Variants in NCAM2 observed in about 807,000 individuals in gnomAD.
The protein encoded by NCAM2 is N-CAM-2.
In NCAM2, 30 loss-of-function variants were observed where a neutral mutation model predicts 98.1. The ratio of observed to expected loss-of-function variants is 0.31; its 90% confidence interval spans 0.23 to 0.41. The LOEUF is 0.41. NCAM2 is among the 10% of genes least tolerant of loss of function. The pLI is 1.00. For missense variants in NCAM2, 867 were observed against 1,005.8 expected (o/e 0.86, Z 1.87); for synonymous variants, 368 against 342.4 (o/e 1.07, Z -0.83).
At chr21:21,452,971 TTATTATATATTA>T (rs1981488093) in intron 12 of NCAM2, among the ~76,000 whole-genome samples, 6 of 32,138 alleles carry the variant, frequency 1.9e-4, no homozygotes, top group South Asian at 5.1e-4. Context: ...ATATTATATA[TTATTATATATTA>T]TATATTATAT....
intron 1 of NCAM2, among the ~76,000 whole-genome samples, chr21:21,248,534 T>G (rs1313623067): frequency 2.0e-5 from 3 of 151,942 alleles, no homozygotes; most frequent in African/African-American, 7.3e-5. Flanking sequence ...CCCAGCACTT[T>G]GGGAGGCCGA....
chr21:21,021,267 T>C (rs2064429953), intron 1 of NCAM2, among the ~76,000 whole-genome samples: 1 of 152,216 alleles, frequency 6.6e-6, no homozygotes, highest in Admixed American at 6.5e-5. Flanking sequence ...TTCATCTCTT[T>C]GAAGCACATG....
At chr21:21,510,821 A>G (rs545778525) in intron 16 of NCAM2, among the ~76,000 whole-genome samples, 3 of 152,134 alleles carry the variant, frequency 2.0e-5, no homozygotes, top group African/African-American at 7.2e-5. Flanking sequence ...CTTAGCTATT[A>G]TCAGTGTACA....
chr21:21,167,687 A>G (rs1181309690), intron 1 of NCAM2, among the ~76,000 whole-genome samples: 1 of 152,154 alleles, frequency 6.6e-6, no homozygotes, highest in Admixed American at 6.5e-5. Flanking sequence ...GGAATATTGT[A>G]AAAATTATCT....
intron 1 of NCAM2, among the ~76,000 whole-genome samples, chr21:21,101,490 G>A (rs945647824): frequency 6.6e-6 from 1 of 152,020 alleles, no homozygotes; most frequent in South Asian, 2.1e-4. Flanking sequence ...GTCAACATAA[G>A]TAACTGGTTT....
intron 1 of NCAM2, among the ~76,000 whole-genome samples, chr21:21,212,355 T>C (rs1006599478): frequency 1.3e-5 from 2 of 152,188 alleles, no homozygotes; most frequent in African/African-American, 4.8e-5. Context: ...ATTTATGAGA[T>C]GAAGAACAGA....
At chr21:21,238,237 A>C (rs1011332666) in intron 1 of NCAM2, among the ~76,000 whole-genome samples, 5 of 152,030 alleles carry the variant, frequency 3.3e-5, no homozygotes, top group Non-Finnish European at 7.4e-5. Context: ...GATTACAGGG[A>C]TGAGCCACCG....
Position 21,160,737 on chromosome 21 carries a change from A to T in NCAM2, c.56-119841A>T, listed in dbSNP as rs573588853. ...TAAAATTTCTAGGACATTGTATAAA[A>T]TGTGAAGATACAGTAACAATATGAC... On this transcript the variant is annotated intron_variant, in intron 1 of 17. Transcript: ENST00000400546. Among the ~76,000 whole-genome samples, 4 of 152,134 alleles carry T rather than the reference A, an allele frequency of 2.6e-5. No homozygotes were observed. The South Asian group carries it at 6.2e-4, about 24-fold the overall frequency.
intron 1 of NCAM2, among the ~76,000 whole-genome samples, chr21:21,143,242 G>T (rs1162302403): frequency 1.3e-5 from 2 of 152,090 alleles, no homozygotes; most frequent in African/African-American, 2.4e-5. Flanking sequence ...TGAGAAAATG[G>T]TATTTTTGTT....
intron 1 of NCAM2, among the ~76,000 whole-genome samples, chr21:21,070,482 G>A (rs1319376416): frequency 6.6e-6 from 1 of 152,020 alleles, no homozygotes; most frequent in Admixed American, 6.6e-5. Context: ...GTAGACAGAG[G>A]GCAGTGGAAT....
At chr21:21,403,771 T>C (rs1014347450) in intron 9 of NCAM2, among the ~76,000 whole-genome samples, 1 of 152,142 alleles carries the variant, frequency 6.6e-6, no homozygotes, top group African/African-American at 2.4e-5. Flanking sequence ...TAGGTAAATA[T>C]TAGTTTGAAA....
chr21:21,147,877 C>T (rs2067332817), intron 1 of NCAM2, among the ~76,000 whole-genome samples: 1 of 150,906 alleles, frequency 6.6e-6, no homozygotes, highest in South Asian at 2.1e-4. Flanking sequence ...ATTTTTCATT[C>T]TCTATATAAT....
chr21:21,395,991 C>T (rs1425516069), intron 9 of NCAM2, among the ~76,000 whole-genome samples: 1 of 151,900 alleles, frequency 6.6e-6, no homozygotes, highest in Non-Finnish European at 1.5e-5. Context: ...GCAAATGCAA[C>T]AAAAACAAAG....
intron 1 of NCAM2, among the ~76,000 whole-genome samples, chr21:21,022,603 C>T (rs1396145957): frequency 6.6e-6 from 1 of 151,992 alleles, no homozygotes; most frequent in Non-Finnish European, 1.5e-5. Flanking sequence ...TTTGTGACCA[C>T]CCTCTGTATC....
intron 15 of NCAM2, among the ~76,000 whole-genome samples, chr21:21,479,427 G>GA (rs1029701892): frequency 5.2e-4 from 78 of 150,036 alleles, no homozygotes; most frequent in African/African-American, 1.7e-3. Flanking sequence ...ACTAAAAACA[G>GA]AAAAAAATTA....
intron 5 of NCAM2, among the ~76,000 whole-genome samples, chr21:21,295,051 C>T (rs1264171586): frequency 6.6e-6 from 1 of 151,750 alleles, no homozygotes; most frequent in East Asian, 1.9e-4. Flanking sequence ...ACCAATTTGA[C>T]ATTTATTCTG....
chr21:21,085,367 T>C (rs1309620187), intron 1 of NCAM2, among the ~76,000 whole-genome samples: 1 of 152,154 alleles, frequency 6.6e-6, no homozygotes, highest in Non-Finnish European at 1.5e-5. Flanking sequence ...CTGCCCTTTC[T>C]GTCATGGAAC....
chr21:21,046,282 T>C lies in NCAM2; in HGVS notation c.55+47664T>C, dbSNP rs376781155. Among the ~76,000 whole-genome samples, 7 of 152,150 alleles carry C rather than the reference T, an allele frequency of 4.6e-5. No individual in the cohort carries two copies. In the East Asian group the frequency reaches 1.4e-3, roughly 29 times the overall value. On this transcript the variant is annotated intron_variant, in intron 1 of 17. Transcript: ENST00000400546. ...TTTTTGTATTGAAAGTTTATCTCAG[T>C]GTCATGCAAATGGCAGGGGATTAGC...
intron 1 of NCAM2, among the ~76,000 whole-genome samples, chr21:21,009,476 T>C (rs889794560): frequency 4.6e-5 from 7 of 152,142 alleles, no homozygotes; most frequent in African/African-American, 1.7e-4. Context: ...AATCGTTCTG[T>C]AAGATTTGTT....
Sources: gnomAD v4.1 joint callset for allele counts (sites outside exome capture counted in the v4.1 genomes callset) on GRCh38, gnomAD v4.1.1 for gene constraint, MANE v1.5 for transcripts, NCBI Gene and HGNC (gene_info 2026-07-23, HGNC 2026-07-21) for gene names.